COL12A1: variants seen among roughly 807,000 people sequenced by gnomAD.
The protein encoded by COL12A1 is collagen type XII alpha 1 chain, also known as collagen alpha-1(XII) chain.
Under a neutral mutation model 349.7 loss-of-function variants are expected in COL12A1, and 114 were observed. The ratio of observed to expected loss-of-function variants is 0.33; its 90% CI spans 0.28 to 0.38. COL12A1 has a LOEUF of 0.38. Ranked by LOEUF, COL12A1 falls within the 10% of genes least tolerant of loss-of-function variation. The pLI is 1.00. For synonymous variants in COL12A1, 1,369 were observed against 1,329.0 expected (o/e 1.03, Z -0.66); for missense variants, 3,284 against 3,756.9 (o/e 0.87, Z 3.29).
chr6:75,105,129 G>C (rs1461573052), intron 54 of COL12A1, 77 bp downstream of exon 54: 4 of 1,211,328 alleles, frequency 3.3e-6, no homozygotes, highest in Non-Finnish European at 4.7e-6. Flanking sequence ...GTATTTTACT[G>C]ACTCCATATT....
Position 75,154,526 on chromosome 6 carries a change from G to C in COL12A1, c.3455C>G (p.Thr1152Ser), listed in dbSNP as rs1282888968. 6.2e-7 allele frequency: 1 copy of C among 1,609,826 alleles called. No homozygotes were observed. The highest frequency in any genetic ancestry group is 8.5e-7 in the Non-Finnish European group (1 of 1,177,342). The change falls in exon 17 of 66, where the codon ACC (threonine) becomes AGC (serine). Residue 1152 changes from threonine to serine, a missense_variant. This residue lies in a region of COL12A1 where 2,601 missense variants were observed against 2,824.8 expected (regional missense o/e 0.92). Transcript: ENST00000322507. ...CATTCCAAAAACATTTACTTTATAG[G>C]TGGTACCAGCCCTAAAATGTTAAAG... Reference protein sequence around the residue: ...VVLEELRAGTTYKVNVFGMFD... With the variant: ...VVLEELRAGTSYKVNVFGMFD...
rs771124556 is a variant in COL12A1 at position 75,175,196 on chromosome 6, A to T, written c.2552T>A (p.Val851Glu). 6 of 1,614,030 alleles carry T rather than the reference A, an allele frequency of 3.7e-6. No homozygotes were observed. In the Admixed American group the frequency reaches 6.7e-5, roughly 18 times the overall value. The change falls in exon 13 of 66, where the codon GTG (valine) becomes GAG (glutamate). Residue 851 changes from valine to glutamate, a missense_variant. Val to Glu is a moderately radical substitution (Grantham distance 121). This residue lies in a region of COL12A1 where 2,601 missense variants were observed against 2,824.8 expected (regional missense o/e 0.92). Transcript: ENST00000322507. ...GACCTCTTGAGTTTCACCCCCTGCC[A>T]CTGGGGTATATGTGACGAGATACTG... ...VKQYLVTYTPVAGGETQEVTV... is the reference protein window; with the variant it reads ...VKQYLVTYTPEAGGETQEVTV...
chr6:75,127,289 G>A (rs557439073), intron 38 of COL12A1, among the ~76,000 whole-genome samples: 2 of 152,064 alleles, frequency 1.3e-5, no homozygotes, highest in Admixed American at 1.3e-4. Context: ...AGTCTCCATT[G>A]ACTCAGTCTG....
intron 51 of COL12A1, among the ~76,000 whole-genome samples, chr6:75,112,216 G>T (rs188867100): frequency 6.6e-6 from 1 of 151,738 alleles, no homozygotes; most frequent in African/African-American, 2.4e-5. Context: ...CTATCAGAGG[G>T]TGTCAGGTGA....
intron 46 of COL12A1, 134 bp downstream of exon 46, chr6:75,118,909 A>T (rs1769214892): frequency 2.6e-6 from 3 of 1,148,018 alleles, no homozygotes; most frequent in Admixed American, 5.2e-5. Context: ...ATAAACTAGC[A>T]TTACGAAGGT....
intron 13 of COL12A1, among the ~76,000 whole-genome samples, chr6:75,174,218 T>G (rs909674438): frequency 6.6e-6 from 1 of 152,162 alleles, no homozygotes; most frequent in African/African-American, 2.4e-5. Flanking sequence ...CTTTGAAAAT[T>G]TAATACAGAA....
intron 12 of COL12A1, 82 bp from the exon 13 acceptor site, chr6:75,175,392 A>G (rs1768884527): frequency 6.8e-7 from 1 of 1,462,516 alleles, no homozygotes; most frequent in Non-Finnish European, 9.2e-7. Flanking sequence ...TTACTTATGC[A>G]TGTGCACTAC....
At chr6:75,118,065 A>T (rs1490710039) in intron 46 of COL12A1, among the ~76,000 whole-genome samples, 1 of 152,210 alleles carries the variant, frequency 6.6e-6, no homozygotes, top group Non-Finnish European at 1.5e-5. Flanking sequence ...TATGACAAAT[A>T]AGCACATTTT....
At chr6:75,202,980 A>G (rs1226403050) in intron 1 of COL12A1, among the ~76,000 whole-genome samples, 153 bp from the exon 2 acceptor site, 2 of 152,244 alleles carry the variant, frequency 1.3e-5, no homozygotes. Flanking sequence ...ATTGTGAAGC[A>G]GTGGAAGTCA....
At chr6:75,101,257 T>A (rs1383985727) in intron 58 of COL12A1, among the ~76,000 whole-genome samples, 1 of 152,242 alleles carries the variant, frequency 6.6e-6, no homozygotes, top group Non-Finnish European at 1.5e-5. Context: ...GCCTCACAAC[T>A]AAGATTTTAA....
chr6:75,093,379 T>C (rs1767862005), intron 60 of COL12A1, among the ~76,000 whole-genome samples: 3 of 152,218 alleles, frequency 2.0e-5, no homozygotes, highest in Admixed American at 2.0e-4. Context: ...AGATATCAAC[T>C]GATTATAATA....
chr6:75,120,906 C>T (rs1422256293), intron 44 of COL12A1, among the ~76,000 whole-genome samples: 1 of 152,140 alleles, frequency 6.6e-6, no homozygotes, highest in African/African-American at 2.4e-5. Flanking sequence ...CAGCAAGTTC[C>T]ACACACCCAC....
chr6:75,113,866 T>C (rs775707865), intron 49 of COL12A1, 122 bp from the exon 50 acceptor site: 6 of 723,448 alleles, frequency 8.3e-6, no homozygotes, highest in East Asian at 2.8e-5. Flanking sequence ...CAGAATCTCA[T>C]ATGGGTAGTA....
rs1768324536 is a variant in COL12A1 at position 75,101,979 on chromosome 6, C to A, written c.8469+20G>T. On this transcript the variant is annotated intron_variant, in intron 57 of 65. Transcript: ENST00000322507. ...AATTTTCAAATAGCACATGACAGGG[C>A]AACTTAGAGACCAACTCACTGTTCG... 11 of 1,613,570 alleles carry A rather than the reference C, an allele frequency of 6.8e-6. No individual in the cohort carries two copies. The highest frequency in any genetic ancestry group is 9.3e-6 in the Non-Finnish European group (11 of 1,179,824).
chr6:75,134,898 C>A, intron 31 of COL12A1, 43 bp from the exon 32 acceptor site: 1 of 1,583,386 alleles, frequency 6.3e-7, no homozygotes, highest in Non-Finnish European at 8.6e-7. Flanking sequence ...CTTGCTCTCT[C>A]CATCTCACTA....
chr6:75,151,083 AT>A, intron 21 of COL12A1, 57 bp downstream of exon 21: 1 of 944,624 alleles, frequency 1.1e-6, no homozygotes, highest in South Asian at 2.5e-5. Flanking sequence ...CAAAAGAATA[AT>A]TATTTGGCCC....
intron 2 of COL12A1, among the ~76,000 whole-genome samples, chr6:75,198,933 T>C (rs1044317769): frequency 5.9e-5 from 9 of 152,226 alleles, no homozygotes; most frequent in African/African-American, 1.9e-4. Flanking sequence ...CAATAAGTGA[T>C]GAGTTAACTA....
chr6:75,090,114 T>C lies in COL12A1; in HGVS notation c.8937A>G (p.Glu2979=), dbSNP rs372365979. 5.6e-6 allele frequency: 9 copies of C among 1,612,868 alleles called. No individual in the cohort carries two copies. Among genetic ancestry groups the C allele is most frequent in the African/African-American group, 5.3e-5 (4 of 74,868 alleles). ...ACAGAAGCCAGAAATGCCTACCTCGTTCCCCAGGGGGTCCCTGCATCCCTG... is the reference window on the plus strand; with the variant it reads ...ACAGAAGCCAGAAATGCCTACCTCGCTCCCCAGGGGGTCCCTGCATCCCTG... The part of the protein sequence containing the change: ...GTPGMQGPPG[E]RGLPGEKGER... The change falls in exon 63 of 66, where the codon GAA becomes GAG. Residue 2979 remains glutamate, a synonymous_variant. Transcript: ENST00000322507. This position sits in a 1 kb window ranked among gnomAD's most constrained non-coding sequence, Gnocchi z 4.1.
At position 75,165,760 on chromosome 6, in the gene COL12A1, A is replaced by G. The variant is rs1378387209; in HGVS notation, c.2730T>C (p.Asp910=). Reference sequence around the variant, plus strand: ...TGTCAGTGATGTCTTTAGTAACTAAATCTTGAGGAGAACCACGTTCTAGAA... The same window carrying G: ...TGTCAGTGATGTCTTTAGTAACTAAGTCTTGAGGAGAACCACGTTCTAGAA... ...TTLEERGSPQ[D]LVTKDITDTS... Residue 910 remains aspartate (D), a synonymous_variant, in exon 14 of 66, where the codon GAT becomes GAC. Coordinates refer to ENST00000322507, the MANE Select transcript of COL12A1 (RefSeq NM_004370.6). The G allele has an allele frequency of 1.9e-6, 3 of 1,613,804 alleles. No individual in the cohort carries two copies. Among genetic ancestry groups the G allele is most frequent in the Non-Finnish European group, 2.5e-6 (3 of 1,179,810 alleles).
Sources: allele counts gnomAD v4.1 joint callset (sites outside exome capture counted in the v4.1 genomes callset), GRCh38; gene constraint gnomAD v4.1.1; regional missense constraint gnomAD v4.1.1; non-coding constraint Gnocchi (gnomAD v3.1); transcripts MANE v1.5; gene names NCBI Gene and HGNC (gene_info 2026-07-23, HGNC 2026-07-21).